IL7: variants seen among roughly 807,000 people sequenced by gnomAD.
The protein encoded by IL7 is interleukin 7.
In IL7, 3 loss-of-function variants were observed where a neutral mutation model predicts 21.6. The observed-to-expected ratio is 0.14, with a 90% CI of 0.06 to 0.36. IL7 has a LOEUF of 0.36. IL7 is among the 10% of genes least tolerant of loss of function. The pLI is 1.00. For synonymous variants in IL7, 62 were observed against 68.1 expected (o/e 0.91, Z 0.44); for missense variants, 175 against 200.2 (o/e 0.87, Z 0.76).
At chr8:78,716,188 T>C (rs1811095811), downstream of IL7, among the ~76,000 whole-genome samples, 1 of 151,488 alleles carries the variant, frequency 6.6e-6, no homozygotes, top group Non-Finnish European at 1.5e-5. Flanking sequence ...AGTGGCGCAA[T>C]CTCGGCTCAC....
chr8:78,748,634 G>A (rs1488520441), intron 2 of IL7, among the ~76,000 whole-genome samples: 2 of 152,138 alleles, frequency 1.3e-5, no homozygotes, highest in Non-Finnish European at 2.9e-5. Context: ...GAGGTGGAGT[G>A]TATAAATTAT....
chr8:78,798,038 A>G, intron 2 of IL7, 34 bp downstream of exon 2: 1 of 1,555,818 alleles, frequency 6.4e-7, no homozygotes, highest in Non-Finnish European at 8.8e-7. Context: ...TTCCCAATGC[A>G]TGAAAATGTG....
At chr8:78,725,777 G>A (rs1811329171) in intron 3 of IL7, among the ~76,000 whole-genome samples, 2 of 151,992 alleles carry the variant, frequency 1.3e-5, no homozygotes, top group African/African-American at 2.4e-5. Context: ...GGATGAATTT[G>A]AGGATTATCA....
chr8:78,688,826 A>T (rs1810110492), intron 3 of IL7, among the ~76,000 whole-genome samples: 1 of 152,136 alleles, frequency 6.6e-6, no homozygotes, highest in Admixed American at 6.5e-5. Flanking sequence ...CCTGTATTTT[A>T]AAATGTATTT....
At chr8:78,758,976 A>C (rs966812077) in intron 2 of IL7, among the ~76,000 whole-genome samples, 18 of 151,974 alleles carry the variant, frequency 1.2e-4, no homozygotes, top group Non-Finnish European at 1.8e-4. Context: ...TTCTTATGGA[A>C]CTTATAAAAT....
chr8:78,728,756 C>G (rs1363556303), downstream of IL7, among the ~76,000 whole-genome samples: 1 of 151,930 alleles, frequency 6.6e-6, no homozygotes, highest in Non-Finnish European at 1.5e-5. Flanking sequence ...TCACTGGCAT[C>G]TAATGGGTGC....
intron 2 of IL7, among the ~76,000 whole-genome samples, chr8:78,785,902 C>T (rs534376292): frequency 2.6e-4 from 39 of 152,260 alleles, no homozygotes; most frequent in African/African-American, 7.9e-4. Flanking sequence ...CAGCTATATG[C>T]GAAGGGGTAT....
At chr8:78,676,395 G>T (rs1416779975) in intron 4 of IL7, among the ~76,000 whole-genome samples, 1 of 151,908 alleles carries the variant, frequency 6.6e-6, no homozygotes, top group Non-Finnish European at 1.5e-5. Context: ...AATTTATTAT[G>T]CATTCTTAAG....
downstream of IL7, among the ~76,000 whole-genome samples, chr8:78,716,039 CAAA>C (rs753499894): frequency 3.5e-5 from 2 of 57,068 alleles, no homozygotes; most frequent in African/African-American, 7.0e-5. Context: ...GACTCCATCT[CAAA>C]AAAAAAAAAA....
intron 2 of IL7, among the ~76,000 whole-genome samples, chr8:78,783,438 G>A (rs1358705995): frequency 6.6e-6 from 1 of 151,956 alleles, no homozygotes; most frequent in African/African-American, 2.4e-5. Context: ...CAGTCCAAAT[G>A]AGAGAACCTG....
Position 78,733,641 on chromosome 8 carries a change from A to G in IL7, c.*72T>C. On this transcript the variant is annotated 3_prime_UTR_variant, in exon 6 of 6. Transcript: ENST00000263851. ...TTCTAGGAAGCATTCCACTCTGAAA[A>G]ACTGCATAAGCAGATAGATTCTTGG... 6.6e-7 allele frequency: 1 copy of G among 1,515,932 alleles called. No individual in the cohort carries two copies. The highest frequency in any genetic ancestry group is 8.9e-7 in the Non-Finnish European group (1 of 1,123,748). 93.9% of individuals were successfully genotyped at this position (1,515,932 alleles called of 1,614,324 possible).
intron 2 of IL7, chr8:78,762,183 T>C (rs2130765177): frequency 6.3e-7 from 1 of 1,593,258 alleles, no homozygotes; most frequent in Non-Finnish European, 8.6e-7. Flanking sequence ...ATTGTTGGTA[T>C]TGCATTATCT....
intron 4 of IL7, among the ~76,000 whole-genome samples, chr8:78,737,143 C>A (rs944713219): frequency 6.6e-6 from 1 of 152,048 alleles, no homozygotes; most frequent in Admixed American, 6.6e-5. Context: ...CCATATAAAG[C>A]TCAATACATA....
downstream of IL7, chr8:78,717,602 C>A: frequency 8.3e-7 from 1 of 1,210,200 alleles, no homozygotes; most frequent in Non-Finnish European, 1.1e-6. Flanking sequence ...ACTCGAAATA[C>A]CATTTCCAGT....
chr8:78,713,881 A>G (rs1811019956), downstream of IL7, among the ~76,000 whole-genome samples: 1 of 152,176 alleles, frequency 6.6e-6, no homozygotes, highest in Non-Finnish European at 1.5e-5. Flanking sequence ...TTTGGGGGAC[A>G]TTAAATAAGG....
intron 2 of IL7, among the ~76,000 whole-genome samples, chr8:78,756,646 T>C (rs1812358463): frequency 6.6e-6 from 1 of 152,022 alleles, no homozygotes. Context: ...TATATTTCTG[T>C]GGTATCAGTT....
At chr8:78,735,023 A>C (rs931612171) in intron 5 of IL7, among the ~76,000 whole-genome samples, 1 of 152,136 alleles carries the variant, frequency 6.6e-6, no homozygotes, top group African/African-American at 2.4e-5. Context: ...TAAAGAATAC[A>C]TTTCAAAGAT....
chr8:78,697,347 T>C, intron 3 of IL7: 1 of 1,350,308 alleles, frequency 7.4e-7, no homozygotes, highest in Non-Finnish European at 1.0e-6. Context: ...TTTGAACCAC[T>C]ACTTTACAAT....
chr8:78,782,652 G>A (rs888677839), intron 2 of IL7, among the ~76,000 whole-genome samples: 6 of 152,012 alleles, frequency 3.9e-5, no homozygotes, highest in African/African-American at 1.4e-4. Flanking sequence ...CTCTATATAA[G>A]GTATCTGGTG....
Sources: allele counts gnomAD v4.1 joint callset (sites outside exome capture counted in the v4.1 genomes callset), GRCh38; gene constraint gnomAD v4.1.1; transcripts MANE v1.5; gene names NCBI Gene and HGNC (gene_info 2026-07-23, HGNC 2026-07-21).